The following ADCK5 variants were observed in gnomAD, a reference collection of about 807,000 sequenced individuals.
ADCK5 encodes the protein aarF domain containing kinase 5.
A neutral mutation model predicts 64.9 loss-of-function variants in ADCK5; 43 were observed. That is an observed-to-expected ratio of 0.66 (90% CI 0.52 to 0.85). The LOEUF (loss-of-function observed/expected upper bound fraction) is 0.85, where lower values mean the gene tolerates loss of function less well. Ranked by LOEUF, ADCK5 falls within the 40% of genes least tolerant of loss-of-function variation. ADCK5 has a pLI of 0.00. For synonymous variants in ADCK5, 434 were observed against 342.8 expected (o/e 1.27, Z -2.94); for missense variants, 760 against 810.5 (o/e 0.94, Z 0.76).
upstream of ADCK5, chr8:144,373,302 T>A (rs532207206): frequency 2.0e-5 from 3 of 152,918 alleles, no homozygotes; most frequent in African/African-American, 7.2e-5. Flanking sequence ...AGCAGTGAGG[T>A]CAGTCTAGTA....
intron 3 of ADCK5, among the ~76,000 whole-genome samples, chr8:144,390,465 G>A (rs558529823): frequency 4.5e-4 from 69 of 152,284 alleles, no homozygotes; most frequent in Non-Finnish European, 8.1e-4. Context: ...TGACCTGCAG[G>A]GCCACAGGAC....
chr8:144,381,597 C>G (rs1203317928), intron 2 of ADCK5, among the ~76,000 whole-genome samples: 12 of 138,426 alleles, frequency 8.7e-5, no homozygotes, highest in South Asian at 2.3e-4. Context: ...GGTGCAGAAA[C>G]AGATGTGTGC....
chr8:144,373,957 G>T (rs1006132262), upstream of ADCK5: 1 of 1,002,042 alleles, frequency 1.0e-6, no homozygotes, highest in Non-Finnish European at 1.3e-6. Context: ...CTCGGGGCGT[G>T]GCCTCCAGCC....
At chr8:144,375,856 G>T (rs966614116) in intron 1 of ADCK5, among the ~76,000 whole-genome samples, 3 of 152,218 alleles carry the variant, frequency 2.0e-5, no homozygotes, top group African/African-American at 7.2e-5. Context: ...CACCAGGGCC[G>T]TCTCAGGTGT....
Position 144,392,413 on chromosome 8 carries a change from C to G in ADCK5, c.1268-32C>G, listed in dbSNP as rs1453928423. Reference sequence around the variant, plus strand: ...CGGGCGGCGCGGAACCCACTCAGAGCCCCCTCCCTCCCTCCCTCCCTCCCT... The same window carrying G: ...CGGGCGGCGCGGAACCCACTCAGAGGCCCCTCCCTCCCTCCCTCCCTCCCT... On this transcript the variant is annotated intron_variant, in intron 12 of 14. Coordinates refer to ENST00000308860, the MANE Select transcript of ADCK5 (RefSeq NM_174922.5). The G allele has an allele frequency of 4.1e-6, 6 of 1,457,976 alleles. No individual in the cohort carries two copies. The East Asian group carries it at 1.0e-4, about 24-fold the overall frequency. 90.3% of individuals were successfully genotyped at this position (1,457,976 alleles called of 1,614,324 possible). A position where few individuals can be genotyped will look rare whatever the true frequency, so the allele number is the denominator to read the frequency against.
intron 2 of ADCK5, 70 bp from the exon 3 acceptor site, chr8:144,383,011 G>A (rs1819747056): frequency 6.5e-7 from 1 of 1,545,072 alleles, no homozygotes; most frequent in Non-Finnish European, 8.7e-7. Flanking sequence ...GCTGGGGGAG[G>A]TGGGGGCAGA....
chr8:144,375,571 C>T (rs575610301), intron 1 of ADCK5: 3 of 985,296 alleles, frequency 3.0e-6, no homozygotes, highest in Admixed American at 6.2e-5. Context: ...AAACCAGACA[C>T]GATCGGACAT....
chr8:144,380,438 C>A (rs1365242741), intron 2 of ADCK5, among the ~76,000 whole-genome samples: 408 of 8,290 alleles, frequency 0.049, no homozygotes, highest in Middle Eastern at 0.12. Flanking sequence ...CTGCTGCACT[C>A]AGGATTATGG....
Position 144,391,010 on chromosome 8 carries a change from C to T in ADCK5, c.497C>T (p.Thr166Ile), listed in dbSNP as rs782590743. The T allele has an allele frequency of 1.9e-6, 3 of 1,612,886 alleles. No individual in the cohort carries two copies. Among genetic ancestry groups the T allele is most frequent in the South Asian group, 2.2e-5 (2 of 91,088 alleles). Reference protein sequence around the residue: ...NHLLPPEYTRTLRVLEDRALK... With the variant: ...NHLLPPEYTRILRVLEDRALK... ...CTGCTTCCCCCCGAGTATACCCGGA[C>T]CCTGCGCGTGCTAGAGGACAGGGCC... Residue 166 changes from threonine to isoleucine, a missense_variant, in exon 5 of 15, where the codon ACC (threonine) becomes ATC (isoleucine). Transcript: ENST00000308860.
rs141834717 is a variant in ADCK5 at position 144,390,695 on chromosome 8, C to A, written c.291C>A (p.Ile97=). 1.1e-4 allele frequency: 175 copies of A among 1,613,812 alleles called. No homozygotes were observed. The African/African-American group carries it at 2.1e-3, about 19-fold the overall frequency. The change falls in exon 4 of 15, where the codon ATC becomes ATA. Residue 97 remains isoleucine (I), a synonymous_variant. Transcript: ENST00000308860. The stretch of plus-strand genomic sequence containing the variant: ...GGTCTCTGAAGGTCGGCCTGCAGAT[C>A]TCCCTGGACTACTGGTGGTGCACCA... ...FGRSLKVGLQ[I]SLDYWWCTNV...
rs1199441571 is a variant in ADCK5, at chr8:144,384,796, G to A, written c.266+1566G>A. ...GCCTGCGTTTTGGGCTCACTTTGTG[G>A]GAAAACATCTTCTCACAGCTCGCTC... On this transcript the variant is annotated intron_variant, in intron 3 of 14. Transcript: ENST00000308860. The surrounding 1 kb of genome is among the most constrained non-coding windows in gnomAD (Gnocchi z 5.7). Among the ~76,000 whole-genome samples the A allele has an allele frequency of 6.6e-6, 1 of 152,196 alleles. No individual in the cohort carries two copies. The highest frequency in any genetic ancestry group is 2.4e-5 in the African/African-American group (1 of 41,454).
rs782146601 is a variant in ADCK5, at chr8:144,383,067, TTG to T, written c.117-12_117-11del. 1 of 1,584,002 alleles carries T rather than the reference TTG, an allele frequency of 6.3e-7. No individual in the cohort carries two copies. The highest frequency in any genetic ancestry group is 1.2e-5 in the South Asian group (1 of 86,760). On this transcript the variant is annotated splice_polypyrimidine_tract_variant and intron_variant, in intron 2 of 14. Transcript: ENST00000308860. The stretch of plus-strand genomic sequence containing the variant: ...TGGGGGGCGGCGCCTCCAGGCTGCA[TTG>T]TCTCTCCTCAGGTTCTCCAGCCCCA...
At chr8:144,392,422 T>TG in intron 12 of ADCK5, 23 bp from the exon 13 acceptor site, 1 of 533,442 alleles carries the variant, frequency 1.9e-6, no homozygotes, top group Non-Finnish European at 2.7e-6. Flanking sequence ...GCCCCCTCCC[T>TG]CCCTCCCTCC....
In ADCK5 at chr8:144,384,645, G is replaced by A. The variant is rs148005865; in HGVS notation, c.266+1415G>A. ...GTGCATGCAAGGGCCACACAGGGCT[G>A]CCAGCCACCGTCCCCTGCAGCCTGG... is the stretch of plus-strand genomic sequence containing the variant. On this transcript the variant is annotated intron_variant, in intron 3 of 14. Transcript: ENST00000308860. This position sits in a 1 kb window ranked among gnomAD's most constrained non-coding sequence, Gnocchi z 5.7. Among the ~76,000 whole-genome samples, 1 of 152,298 alleles carries A rather than the reference G, an allele frequency of 6.6e-6. No homozygotes were observed. Among genetic ancestry groups the A allele is most frequent in the Non-Finnish European group, 1.5e-5 (1 of 68,024 alleles).
Position 144,391,064 on chromosome 8 carries a change from T to C in ADCK5, c.543+8T>C. 2 of 1,611,776 alleles carry C rather than the reference T, an allele frequency of 1.2e-6. No homozygotes were observed. Among genetic ancestry groups the C allele is most frequent in the Non-Finnish European group, 1.7e-6 (2 of 1,179,976 alleles). The stretch of plus-strand genomic sequence containing the variant: ...AAGCGGGGCTTCCAGGAGGTGAGTG[T>C]GCGCTCAGGCCGAGGGAGGTGGGGC... On this transcript the variant is annotated splice_region_variant and intron_variant, in intron 5 of 14. Coordinates refer to ENST00000308860, the MANE Select transcript of ADCK5 (RefSeq NM_174922.5).
chr8:144,383,521 G>A (rs1217353700), intron 3 of ADCK5, among the ~76,000 whole-genome samples: 7 of 152,304 alleles, frequency 4.6e-5, no homozygotes, highest in Admixed American at 1.3e-4. Context: ...TGGCCTTAGT[G>A]GGGAGGCGCT....
rs1348433430 is a variant in ADCK5 at position 144,392,429 on chromosome 8, C to T, written c.1268-16C>T. ...CACTCAGAGCCCCCTCCCTCCCTCCCTCCCTCCCTCCCCAGACTACCTCCT... is the reference window on the plus strand; with the variant it reads ...CACTCAGAGCCCCCTCCCTCCCTCCTTCCCTCCCTCCCCAGACTACCTCCT... On this transcript the variant is annotated splice_polypyrimidine_tract_variant and intron_variant, in intron 12 of 14. Transcript: ENST00000308860. The T allele has an allele frequency of 1.5e-6, 2 of 1,365,846 alleles. No homozygotes were observed. The highest frequency in any genetic ancestry group is 2.0e-6 in the Non-Finnish European group (2 of 1,014,646). 84.6% of individuals were successfully genotyped at this position (1,365,846 alleles called of 1,614,324 possible). A position where few individuals can be genotyped will look rare whatever the true frequency, so the allele number is the denominator to read the frequency against.
chr8:144,373,973 C>A (rs1819257334), upstream of ADCK5: 22 of 1,132,634 alleles, frequency 1.9e-5, no homozygotes, highest in Non-Finnish European at 2.2e-5. Flanking sequence ...CAGCCTCGCC[C>A]ACCGCCCACG....
rs1819504146 is a variant in ADCK5 at position 144,379,412 on chromosome 8, C to A, written c.38C>A (p.Ala13Asp). The change falls in exon 2 of 15, where the codon GCT becomes GAT. Residue 13 changes from alanine (A) to aspartate (D), a missense_variant. By Grantham distance (126) the Ala-to-Asp change is moderately radical. Coordinates refer to ENST00000308860, the MANE Select transcript of ADCK5 (RefSeq NM_174922.5). Reference sequence around the variant, plus strand: ...GTGCAGCTCTGTCATTTCCACTCTGCTCTGCTGCACAGCAGGCAGAAGCCC... The same window carrying A: ...GTGCAGCTCTGTCATTTCCACTCTGATCTGCTGCACAGCAGGCAGAAGCCC... ...RPVQLCHFHS[A>D]LLHSRQKPWP... The A allele has an allele frequency of 1.2e-6, 2 of 1,610,074 alleles. No individual in the cohort carries two copies. Among genetic ancestry groups the A allele is most frequent in the South Asian group, 2.2e-5 (2 of 90,504 alleles).
Sources: allele counts gnomAD v4.1 joint callset (sites outside exome capture counted in the v4.1 genomes callset), GRCh38; gene constraint gnomAD v4.1.1; non-coding constraint Gnocchi (gnomAD v3.1); transcripts MANE v1.5; gene names NCBI Gene and HGNC (gene_info 2026-07-23, HGNC 2026-07-21).